The following SLC50A1 variants were observed in gnomAD, a reference collection of about 807,000 sequenced individuals.
The protein encoded by SLC50A1 is solute carrier family 50 member 1.
In SLC50A1, 22 loss-of-function variants were observed where a neutral mutation model predicts 28.9. The ratio of observed to expected loss-of-function variants is 0.76; its 90% CI spans 0.54 to 1.09. The LOEUF is 1.09. SLC50A1 is among the 50% of genes least tolerant of loss of function. SLC50A1 has a pLI of 0.00. For missense variants in SLC50A1, 233 were observed against 273.4 expected (o/e 0.85, Z 1.04); for synonymous variants, 96 against 110.6 (o/e 0.87, Z 0.83).
intron 3 of SLC50A1, 66 bp downstream of exon 3, chr1:155,137,017 A>G (rs1664529351): frequency 3.2e-6 from 5 of 1,586,966 alleles, no homozygotes; most frequent in East Asian, 2.3e-5. Context: ...GGCAAACACT[A>G]TTTCCTAGAA....
At chr1:155,135,614 G>A, upstream of SLC50A1, 1 of 1,550,264 alleles carries the variant, frequency 6.5e-7, no homozygotes, top group Non-Finnish European at 8.7e-7. Context: ...CAGAGTGTGA[G>A]CAGCGGCAGG....
Position 155,138,043 on chromosome 1 carries a change from T to C in SLC50A1, c.509T>C (p.Leu170Pro). The change falls in exon 5 of 6, where the codon CTC (leucine) becomes CCC (proline). Residue 170 changes from leucine to proline, a missense_variant. Leu to Pro is a moderately conservative substitution (Grantham distance 98, BLOSUM62 -3). Transcript: ENST00000368404. ...TACCCACTCACCATTGCTACCCTTC[T>C]CACCTCTGCCTCCTGGTGCCTCTAT... ...LSYPLTIATL[L>P]TSASWCLYGF... The C allele has an allele frequency of 6.2e-7, 1 of 1,614,148 alleles. No individual in the cohort carries two copies. Among genetic ancestry groups the C allele is most frequent in the Non-Finnish European group, 8.5e-7 (1 of 1,180,024 alleles).
chr1:155,138,233 G>A lies in SLC50A1; in HGVS notation c.618G>A (p.Trp206Ter). The A allele has an allele frequency of 6.2e-7, 1 of 1,614,104 alleles. No homozygotes were observed. Among genetic ancestry groups the A allele is most frequent in the Non-Finnish European group, 8.5e-7 (1 of 1,180,026 alleles). The part of the protein sequence containing the change: ...VTSFIRFWLF[W>*]KYPQEQDRNY... ...GCTTTATCCGCTTCTGGCTTTTCTG[G>A]AAGTACCCCCAGGAGCAAGACAGGA... Residue 206 changes from tryptophan to a stop codon, truncating the protein, a stop_gained, in exon 6 of 6, where the codon TGG becomes TGA. Coordinates refer to ENST00000368404, the MANE Select transcript of SLC50A1 (RefSeq NM_018845.4). LOFTEE classifies it high-confidence loss of function.
rs1215588916 is a variant in SLC50A1 at position 155,136,851 on chromosome 1, G to A, written c.182G>A (p.Gly61Glu). 2.5e-6 allele frequency: 4 copies of A among 1,614,054 alleles called. No homozygotes were observed. Among genetic ancestry groups the A allele is most frequent in the Non-Finnish European group, 3.4e-6 (4 of 1,180,030 alleles). The change falls in exon 3 of 6, where the codon GGG becomes GAG. Residue 61 changes from glycine to glutamate, a missense_variant. Transcript: ENST00000368404. ...EVNNLGWLSY[G>E]ALKGDGILIV... is the part of the protein sequence containing the mutation. ...AGCAACCTGGGCTGGCTGAGTTATG[G>A]GGCTTTGAAGGGAGACGGGATCCTC...
At chr1:155,135,659 G>T (rs1377449518), upstream of SLC50A1, 1 of 1,550,434 alleles carries the variant, frequency 6.4e-7, no homozygotes, top group East Asian at 2.4e-5. Context: ...CTAGGAAGGG[G>T]ACTGACCGGG....
At chr1:155,135,823 G>A (rs1571691384), upstream of SLC50A1, 1 of 1,582,372 alleles carries the variant, frequency 6.3e-7, no homozygotes, top group African/African-American at 1.3e-5. Flanking sequence ...GCGGGGCGGG[G>A]CTCCAGAGCC....
At chr1:155,137,122 C>A in intron 3 of SLC50A1, 171 bp downstream of exon 3, 2 of 827,972 alleles carry the variant, frequency 2.4e-6, no homozygotes, top group Non-Finnish European at 3.7e-6. Flanking sequence ...GAGATGAACA[C>A]ATTGCCCCCA....
rs780472996 is a variant in SLC50A1 at position 155,135,887 on chromosome 1, G to A, written c.-25G>A. On this transcript the variant is annotated 5_prime_UTR_variant, in exon 1 of 6. Transcript: ENST00000368404. ...AACCGCAGGCTCGCGGCGGGCGCTGGGCGCGGGATCCGACTCTAGTCGTAA... is the reference window on the plus strand; with the variant it reads ...AACCGCAGGCTCGCGGCGGGCGCTGAGCGCGGGATCCGACTCTAGTCGTAA... 1 of 1,608,172 alleles carries A rather than the reference G, an allele frequency of 6.2e-7. No individual in the cohort carries two copies. The highest frequency in any genetic ancestry group is 1.1e-5 in the South Asian group (1 of 90,630).
rs750389152 is a variant in SLC50A1, at chr1:155,138,110, T to G, written c.564+12T>G. ...ATCCCTATATCATGGTAAGCACAAC[T>G]GGGATGGGGTGACAGGGGTGCAAGA... On this transcript the variant is annotated intron_variant, in intron 5 of 5. Coordinates refer to ENST00000368404, the MANE Select transcript of SLC50A1 (RefSeq NM_018845.4). 9 of 1,614,036 alleles carry G rather than the reference T, an allele frequency of 5.6e-6. No homozygotes were observed. The highest frequency in any genetic ancestry group is 4.0e-5 in the African/African-American group (3 of 74,890).
chr1:155,137,128 C>A, intron 3 of SLC50A1, 177 bp downstream of exon 3: 1 of 808,472 alleles, frequency 1.2e-6, no homozygotes, highest in Non-Finnish European at 1.9e-6. Context: ...AACACATTGC[C>A]CCCATTTAGG....
chr1:155,136,514 C>T (rs1664488559), intron 2 of SLC50A1, 138 bp downstream of exon 2: 1 of 815,620 alleles, frequency 1.2e-6, no homozygotes, highest in East Asian at 2.7e-5. Flanking sequence ...GAGGCCGAGA[C>T]GGGCGGATCA....
At chr1:155,135,541 C>T, upstream of SLC50A1, 2 of 1,492,706 alleles carry the variant, frequency 1.3e-6, no homozygotes, top group Non-Finnish European at 1.8e-6. Flanking sequence ...CCGCCGAAGG[C>T]GCACAGGCCT....
In SLC50A1 at chr1:155,137,969, T is replaced by G. The variant is rs1460993490; in HGVS notation, c.445-10T>G. ...CTTGGGCCAAGAGAGTCTTCCATTC[T>G]TTCCCACAGGCTAAGGTGATTCAAA... On this transcript the variant is annotated splice_polypyrimidine_tract_variant and intron_variant, in intron 4 of 5. Coordinates refer to ENST00000368404, the MANE Select transcript of SLC50A1 (RefSeq NM_018845.4). The G allele has an allele frequency of 6.2e-7, 1 of 1,614,178 alleles. No homozygotes were observed. The highest frequency in any genetic ancestry group is 1.7e-5 in the Admixed American group (1 of 60,014).
At position 155,138,024 on chromosome 1, in the gene SLC50A1, C is replaced by G. The variant is rs1013829905; in HGVS notation, c.490C>G (p.Leu164Val). Residue 164 changes from leucine (L) to valine (V), a missense_variant, in exon 5 of 6, where the codon CTC becomes GTC. Coordinates refer to ENST00000368404, the MANE Select transcript of SLC50A1 (RefSeq NM_018845.4). ...ATCAACCCAATGTCTCTCCTACCCACTCACCATTGCTACCCTTCTCACCTC... is the reference window on the plus strand; with the variant it reads ...ATCAACCCAATGTCTCTCCTACCCAGTCACCATTGCTACCCTTCTCACCTC... ...TKSTQCLSYP[L>V]TIATLLTSAS... 16 of 1,614,180 alleles carry G rather than the reference C, an allele frequency of 9.9e-6. No individual in the cohort carries two copies. Among genetic ancestry groups the G allele is most frequent in the Admixed American group, 1.7e-5 (1 of 60,024 alleles).
intron 3 of SLC50A1, 144 bp downstream of exon 3, chr1:155,137,095 T>A: frequency 9.3e-7 from 1 of 1,078,942 alleles, no homozygotes; most frequent in African/African-American, 1.6e-5. Context: ...CCCCTTCCTC[T>A]ATGAAGCCAG....
chr1:155,136,184 G>A, intron 1 of SLC50A1, 115 bp from the exon 2 acceptor site: 1 of 418,800 alleles, frequency 2.4e-6, no homozygotes, highest in Non-Finnish European at 4.2e-6. Flanking sequence ...TGGCGGGGGG[G>A]AGAGGGGGCG....
chr1:155,135,566 G>C (rs1664380464), upstream of SLC50A1: 1 of 1,541,714 alleles, frequency 6.5e-7, no homozygotes, highest in African/African-American at 1.4e-5. Flanking sequence ...GAACACGAGC[G>C]TTGAGACTGG....
rs905411592 is a variant in SLC50A1 at position 155,138,483 on chromosome 1, T to C, written c.*202T>C. ...GGAGATGAAATCACTTTTTATTTTTTAGAGATTTTTTTTTTTAATTTTGGA... is the reference window on the plus strand; with the variant it reads ...GGAGATGAAATCACTTTTTATTTTTCAGAGATTTTTTTTTTTAATTTTGGA... On this transcript the variant is annotated 3_prime_UTR_variant, in exon 6 of 6. Coordinates refer to ENST00000368404, the MANE Select transcript of SLC50A1 (RefSeq NM_018845.4). 13 of 584,018 alleles carry C rather than the reference T, an allele frequency of 2.2e-5. No individual in the cohort carries two copies. In the African/African-American group the frequency reaches 2.2e-4, roughly 10 times the overall value. 36.2% of individuals were successfully genotyped at this position (584,018 alleles called of 1,614,324 possible).
In SLC50A1 at chr1:155,138,423, G is replaced by A; in HGVS notation, c.*142G>A. Reference sequence around the variant, plus strand: ...TGACTTTGAGGATAAAAGGACCAAAGAAAAAGCTTTACTTAGATGATTGAT... The same window carrying A: ...TGACTTTGAGGATAAAAGGACCAAAAAAAAAGCTTTACTTAGATGATTGAT... On this transcript the variant is annotated 3_prime_UTR_variant, in exon 6 of 6. Transcript: ENST00000368404. 1 of 706,898 alleles carries A rather than the reference G, an allele frequency of 1.4e-6. No individual in the cohort carries two copies. Among genetic ancestry groups the A allele is most frequent in the South Asian group, 1.8e-5 (1 of 54,868 alleles). The allele number at this position is 706,898 out of a possible 1,614,324, so 43.8% of individuals were successfully genotyped here.
Sources: allele counts gnomAD v4.1 joint callset, GRCh38; gene constraint gnomAD v4.1.1; transcripts MANE v1.5; gene names NCBI Gene and HGNC (gene_info 2026-07-23, HGNC 2026-07-21).